The following DPP6 variants were observed in gnomAD, a reference collection of about 807,000 sequenced individuals.
DPP6 encodes A-type potassium channel modulatory protein DPP6.
In DPP6, 69 loss-of-function variants were observed where a neutral mutation model predicts 122.6. The ratio of observed to expected loss-of-function variants is 0.56; its 90% CI spans 0.46 to 0.69. DPP6 has a LOEUF of 0.69. DPP6 is among the 30% of genes least tolerant of loss of function. The pLI is 0.00. For synonymous variants in DPP6, 418 were observed against 433.1 expected, an observed-to-expected ratio of 0.97 and a Z score of 0.43; for missense variants, 928 against 1,116.9, an observed-to-expected ratio of 0.83 and a Z score of 2.41.
chr7:153,771,577 T>C, the DPP6 span, among the ~76,000 whole-genome samples: 4 of 152,142 alleles, frequency 2.6e-5, no homozygotes, highest in African/African-American at 9.7e-5. Context: ...TGAGCTGAAG[T>C]GATCCACCTG....
the DPP6 span, among the ~76,000 whole-genome samples, chr7:153,816,838 G>T: frequency 1.3e-5 from 2 of 151,978 alleles, no homozygotes; most frequent in Admixed American, 6.6e-5. Flanking sequence ...AGGGTGATTT[G>T]TGGAACGGAT....
At chr7:153,844,169 G>T in the DPP6 span, among the ~76,000 whole-genome samples, 2 of 152,132 alleles carry the variant, frequency 1.3e-5, no homozygotes, top group African/African-American at 4.8e-5. Flanking sequence ...GTCCAACCTG[G>T]CATTGTCTTT....
intron 1 of DPP6, among the ~76,000 whole-genome samples, chr7:154,312,200 C>A (rs1450504716): frequency 1.3e-5 from 2 of 152,158 alleles, no homozygotes; most frequent in African/African-American, 4.8e-5. Flanking sequence ...ATTACAGATC[C>A]TGTTGCTGCT....
At chr7:153,873,824 G>C in the DPP6 span, among the ~76,000 whole-genome samples, 22 of 152,202 alleles carry the variant, frequency 1.4e-4, no homozygotes, top group Admixed American at 1.4e-3. Flanking sequence ...CCAAAAGATG[G>C]AAGAACAGAG....
At chr7:153,843,673 C>T in the DPP6 span, among the ~76,000 whole-genome samples, 302 of 152,284 alleles carry the variant, frequency 2.0e-3, 1 homozygote, top group African/African-American at 7.1e-3. Context: ...TTTAACATAA[C>T]ATCTGTATTC....
chr7:153,853,683 C>A, the DPP6 span, among the ~76,000 whole-genome samples: 2 of 152,288 alleles, frequency 1.3e-5, no homozygotes, highest in African/African-American at 4.8e-5. Flanking sequence ...ACTCCTGGAT[C>A]TATGGGTCTC....
intron 1 of DPP6, among the ~76,000 whole-genome samples, chr7:154,291,323 T>G (rs1239687771): frequency 6.6e-6 from 1 of 152,158 alleles, no homozygotes; most frequent in Non-Finnish European, 1.5e-5. Context: ...AAAGGGAAGT[T>G]GCATTCCAGT....
chr7:154,504,187 C>A (rs1188139030), intron 3 of DPP6, among the ~76,000 whole-genome samples: 1 of 139,650 alleles, frequency 7.2e-6, no homozygotes, highest in Non-Finnish European at 1.6e-5. Flanking sequence ...TTTTAAATTG[C>A]AATAACAGGT....
At chr7:154,414,174 A>G (rs1166704141) in intron 1 of DPP6, among the ~76,000 whole-genome samples, 6 of 152,172 alleles carry the variant, frequency 3.9e-5, no homozygotes, top group African/African-American at 9.7e-5. Context: ...TTGGCTTCCA[A>G]TTTTTGTGTA....
Position 154,833,778 on chromosome 7 carries a change from A to C in DPP6, c.1667-20002A>C, listed in dbSNP as rs796280420. ...CATTCTGTGCAAAAAATTACACTAA[A>C]ATGACCAAAGATTCTCATAGACAAA... On this transcript the variant is annotated intron_variant, in intron 16 of 25. Coordinates refer to ENST00000377770, the MANE Select transcript of DPP6 (RefSeq NM_130797.4). The surrounding 1 kb of genome is among the most constrained non-coding windows in gnomAD (Gnocchi z 4.3). Among the ~76,000 whole-genome samples the C allele has an allele frequency of 7.9e-5, 12 of 152,310 alleles. No individual in the cohort carries two copies. The highest frequency in any genetic ancestry group is 2.9e-4 in the African/African-American group (12 of 41,572).
intron 10 of DPP6, among the ~76,000 whole-genome samples, chr7:154,787,063 C>A (rs1342246325): frequency 1.3e-5 from 2 of 152,144 alleles, no homozygotes; most frequent in Non-Finnish European, 2.9e-5. Flanking sequence ...TATTTTATTT[C>A]TTTATTATCA....
intron 1 of DPP6, among the ~76,000 whole-genome samples, chr7:153,889,452 A>G (rs1390116401): frequency 2.0e-5 from 3 of 152,144 alleles, no homozygotes; most frequent in African/African-American, 7.2e-5. Flanking sequence ...GAAGTTAAGG[A>G]TTGAGGTTAA....
the DPP6 span, among the ~76,000 whole-genome samples, chr7:153,866,972 T>G: frequency 6.6e-6 from 1 of 152,186 alleles, no homozygotes; most frequent in Non-Finnish European, 1.5e-5. Context: ...ATATGTGGCA[T>G]TATTTCTGAG....
intron 3 of DPP6, among the ~76,000 whole-genome samples, chr7:154,480,978 C>T (rs1462925375): frequency 6.6e-6 from 1 of 152,096 alleles, no homozygotes; most frequent in Non-Finnish European, 1.5e-5. Flanking sequence ...ACACACGTGC[C>T]CATCCTAGCC....
At chr7:154,734,265 A>G (rs1182440024) in intron 8 of DPP6, among the ~76,000 whole-genome samples, 1 of 152,204 alleles carries the variant, frequency 6.6e-6, no homozygotes. Flanking sequence ...CCTGCCACTG[A>G]GCCCCAACCT....
At chr7:154,625,927 T>G (rs997238808) in intron 5 of DPP6, among the ~76,000 whole-genome samples, 3 of 152,138 alleles carry the variant, frequency 2.0e-5, no homozygotes, top group Non-Finnish European at 4.4e-5. Flanking sequence ...AATGTTGTAT[T>G]CTGGAGCAGA....
At chr7:153,923,102 C>T (rs1800717286) in intron 1 of DPP6, among the ~76,000 whole-genome samples, 1 of 152,198 alleles carries the variant, frequency 6.6e-6, no homozygotes, top group Non-Finnish European at 1.5e-5. Flanking sequence ...AATGGTGAAA[C>T]CAGCTGCCGC....
intron 6 of DPP6, among the ~76,000 whole-genome samples, chr7:154,655,322 AT>A (rs1431542420): frequency 6.6e-6 from 1 of 152,178 alleles, no homozygotes; most frequent in Non-Finnish European, 1.5e-5. Context: ...TTTCAGCATG[AT>A]TTATGCCCTG....
intron 7 of DPP6, among the ~76,000 whole-genome samples, chr7:154,672,867 C>T (rs1563088071): frequency 6.6e-6 from 1 of 152,206 alleles, no homozygotes; most frequent in Non-Finnish European, 1.5e-5. Flanking sequence ...ATCTCCCTTA[C>T]TGCAGCATGG....
Sources: gnomAD v4.1 joint callset for allele counts (sites outside exome capture counted in the v4.1 genomes callset) on GRCh38, gnomAD v4.1.1 for gene constraint, Gnocchi (gnomAD v3.1) non-coding constraint, MANE v1.5 for transcripts, NCBI Gene and HGNC (gene_info 2026-07-23, HGNC 2026-07-21) for gene names.